The following ATP6V0A1 variants were observed in gnomAD, a reference collection of about 807,000 sequenced individuals.
The protein encoded by ATP6V0A1 is V-type proton ATPase 116 kDa subunit a 1.
Under a neutral mutation model 105.4 loss-of-function variants are expected in ATP6V0A1, and 43 were observed. That is an observed-to-expected ratio of 0.41 (90% CI 0.32 to 0.53). The LOEUF (loss-of-function observed/expected upper bound fraction) is 0.53, where lower values mean the gene tolerates loss of function less well. Among genes scored for constraint, ATP6V0A1 ranks in the 20% least tolerant of loss-of-function variants. ATP6V0A1 has a pLI of 0.30. For synonymous variants in ATP6V0A1, 362 were observed against 372.8 expected (o/e 0.97, Z 0.33); for missense variants, 676 against 1,051.1 (o/e 0.64, Z 4.93).
intron 8 of ATP6V0A1, among the ~76,000 whole-genome samples, chr17:42,482,662 C>T (rs55740309): frequency 3.3e-5 from 5 of 151,798 alleles, no homozygotes; most frequent in African/African-American, 4.8e-5. Context: ...TTTGGGAGGC[C>T]GAGGTGGGTG....
chr17:42,488,564 T>C (rs542347121), intron 10 of ATP6V0A1, among the ~76,000 whole-genome samples: 1 of 152,052 alleles, frequency 6.6e-6, no homozygotes, highest in East Asian at 2.0e-4. Context: ...TTCCAACTCC[T>C]GGGCTTAAGC....
Position 42,477,689 on chromosome 17 carries a change from C to T in ATP6V0A1, c.453C>T (p.Ser151=). Residue 151 remains serine (S), a synonymous_variant, in exon 6 of 22, where the codon TCC becomes TCT. Coordinates refer to ENST00000343619, the MANE Select transcript of ATP6V0A1 (RefSeq NM_001130021.3). ...CGGATCCAGACTTGTTGGAAGAGTC[C>T]TCATCCCTCTTGGAGCCAAGTGAGA... The part of the protein sequence containing the change: ...EMADPDLLEE[S]SSLLEPSEMG... 1 of 1,613,880 alleles carries T rather than the reference C, an allele frequency of 6.2e-7. No individual in the cohort carries two copies. The highest frequency in any genetic ancestry group is 8.5e-7 in the Non-Finnish European group (1 of 1,179,898).
At chr17:42,514,580 G>C in intron 21 of ATP6V0A1, 120 bp downstream of exon 21, 1 of 1,091,680 alleles carries the variant, frequency 9.2e-7, no homozygotes. Context: ...AGCTGGCCCT[G>C]CACTAGCTTC....
chr17:42,473,667 A>G lies in ATP6V0A1; in HGVS notation c.423+3449A>G, dbSNP rs185044930. ...TTTACTGCTGAGATATTGCTATCTCATATGAAAATGTCTTTCAAGACCTCG... is the reference window on the plus strand; with the variant it reads ...TTTACTGCTGAGATATTGCTATCTCGTATGAAAATGTCTTTCAAGACCTCG... On this transcript the variant is annotated intron_variant, in intron 5 of 21. Transcript: ENST00000343619. 5.3e-5 allele frequency among the ~76,000 whole-genome samples: 8 copies of G among 152,194 alleles called. 1 individual carries two copies. Among genetic ancestry groups the G allele is most frequent in the Admixed American group, 4.6e-4 (7 of 15,274 alleles).
At chr17:42,499,603 A>G (rs1017452808) in intron 15 of ATP6V0A1, among the ~76,000 whole-genome samples, 6 of 152,008 alleles carry the variant, frequency 3.9e-5, no homozygotes, top group Admixed American at 6.6e-5. Flanking sequence ...CCTGGCCCAC[A>G]TGGTGAAACT....
At chr17:42,491,591 C>G (rs1377410742) in intron 11 of ATP6V0A1, among the ~76,000 whole-genome samples, 1 of 152,210 alleles carries the variant, frequency 6.6e-6, no homozygotes, top group Non-Finnish European at 1.5e-5. Context: ...TCAAGCGATT[C>G]TCCTGCCTCA....
At chr17:42,508,644 C>T in intron 19 of ATP6V0A1, 55 bp downstream of exon 19, 1 of 1,610,244 alleles carries the variant, frequency 6.2e-7, no homozygotes, top group South Asian at 1.1e-5. Context: ...CTCTTCCCAT[C>T]CTTGTGATCA....
At chr17:42,500,660 G>T in intron 15 of ATP6V0A1, 47 bp from the exon 16 acceptor site, 1 of 1,463,450 alleles carries the variant, frequency 6.8e-7, no homozygotes. Flanking sequence ...TGTAGGAGTG[G>T]CCCTAGGCCC....
chr17:42,488,785 G>A (rs1041662803), intron 10 of ATP6V0A1, among the ~76,000 whole-genome samples: 2 of 110 alleles, frequency 0.018, no homozygotes, highest in African/African-American at 0.056. Context: ...AGGTTGAGGC[G>A]GGTCATCACT....
intron 7 of ATP6V0A1, chr17:42,478,794 A>C: frequency 6.1e-6 from 2 of 328,798 alleles, no homozygotes; most frequent in Non-Finnish European, 1.0e-5. Flanking sequence ...CATGACATAT[A>C]CATATTTTCA....
intron 2 of ATP6V0A1, among the ~76,000 whole-genome samples, chr17:42,462,685 G>C (rs532177792): frequency 1.1e-4 from 17 of 152,186 alleles, no homozygotes; most frequent in Non-Finnish European, 2.4e-4. Context: ...CTCCCAAAGT[G>C]CTGGGATTAC....
intron 1 of ATP6V0A1, 112 bp from the exon 2 acceptor site, chr17:42,460,736 A>G (rs754189590): frequency 1.3e-5 from 8 of 604,298 alleles, no homozygotes; most frequent in Non-Finnish European, 2.4e-5. Context: ...ACAGTTGTTG[A>G]CCTGTCCTCA....
intron 9 of ATP6V0A1, among the ~76,000 whole-genome samples, chr17:42,485,227 A>G (rs937122698): frequency 6.6e-6 from 1 of 152,102 alleles, no homozygotes; most frequent in African/African-American, 2.4e-5. Flanking sequence ...CTCCTTTGAG[A>G]TACACTTAAC....
At chr17:42,477,615 A>C (rs1432838320) in intron 5 of ATP6V0A1, 45 bp from the exon 6 acceptor site, 4 of 1,600,718 alleles carry the variant, frequency 2.5e-6, no homozygotes, top group Non-Finnish European at 3.4e-6. Flanking sequence ...TTTTCATTAG[A>C]TATTAATTGA....
intron 9 of ATP6V0A1, among the ~76,000 whole-genome samples, chr17:42,484,952 C>G (rs918226703): frequency 6.6e-6 from 1 of 151,186 alleles, no homozygotes; most frequent in East Asian, 1.9e-4. Context: ...CAGATTCAAG[C>G]AATTCTCCTG....
intron 18 of ATP6V0A1, among the ~76,000 whole-genome samples, chr17:42,507,986 C>A (rs913044847): frequency 1.3e-5 from 2 of 152,200 alleles, no homozygotes; most frequent in African/African-American, 2.4e-5. Context: ...GCTTCTTCAT[C>A]CATTGACCCT....
chr17:42,460,109 T>C (rs929117747), intron 1 of ATP6V0A1: 2 of 152,178 alleles, frequency 1.3e-5, no homozygotes, highest in African/African-American at 4.8e-5. Flanking sequence ...GTAATTAATC[T>C]TGAAGGTAGG....
chr17:42,497,341 A>G (rs556992942), intron 14 of ATP6V0A1, among the ~76,000 whole-genome samples: 11 of 148,976 alleles, frequency 7.4e-5, no homozygotes, highest in African/African-American at 2.5e-4. Flanking sequence ...CACAGATCAG[A>G]GAAATTTGAA....
chr17:42,510,529 C>G (rs2092299419), intron 19 of ATP6V0A1: 1 of 152,300 alleles, frequency 6.6e-6, no homozygotes, highest in Non-Finnish European at 1.5e-5. Flanking sequence ...CCAGCATATG[C>G]AGCTTCACAG....
Sources: gnomAD v4.1 joint callset for allele counts (sites outside exome capture counted in the v4.1 genomes callset) on GRCh38, gnomAD v4.1.1 for gene constraint, MANE v1.5 for transcripts, NCBI Gene and HGNC (gene_info 2026-07-23, HGNC 2026-07-21) for gene names.